CDV3: variants seen among roughly 807,000 people sequenced by gnomAD.
CDV3 encodes the protein protein CDV3 homolog.
In CDV3, 14 loss-of-function variants were observed where a neutral mutation model predicts 24.5. The observed-to-expected ratio is 0.57, with a 90% confidence interval of 0.38 to 0.89. CDV3 has a LOEUF of 0.89. Ranked by LOEUF, CDV3 falls within the 40% of genes least tolerant of loss-of-function variation. The pLI, the probability that CDV3 is intolerant of heterozygous loss-of-function variation, is 0.00. For missense variants in CDV3, 304 were observed against 310.2 expected (o/e 0.98, Z 0.15); for synonymous variants, 114 against 114.1 (o/e 1.00, Z 0.00).
intron 2 of CDV3, among the ~76,000 whole-genome samples, chr3:133,579,969 T>C (rs765877720): frequency 2.0e-4 from 30 of 152,180 alleles, no homozygotes; most frequent in Admixed American, 6.5e-4. Context: ...AAAATACTTA[T>C]TTATTTTTAT....
intron 1 of CDV3, chr3:133,574,493 ACCCCGCGTCGCTCGGCGTTAG>A: frequency 1.0e-6 from 1 of 985,788 alleles, no homozygotes; most frequent in Middle Eastern, 5.2e-4. Flanking sequence ...CGCCCTTCCC[ACCCCGCGTCGCTCGGCGTTAG>A]CCAAGGCCCG....
At chr3:133,575,826 A>G (rs375105569) in intron 2 of CDV3, among the ~76,000 whole-genome samples, 2 of 152,276 alleles carry the variant, frequency 1.3e-5, no homozygotes, top group African/African-American at 4.8e-5. Context: ...ATGGCAGTCA[A>G]CTTTAAGGTT....
Position 133,585,696 on chromosome 3 carries a change from A to G in CDV3, c.467-867A>G, listed in dbSNP as rs1015388195. 1.3e-4 allele frequency among the ~76,000 whole-genome samples: 20 copies of G among 150,824 alleles called. 2 individuals are homozygous for G. Among genetic ancestry groups the G allele is most frequent in the African/African-American group, 2.4e-4 (10 of 40,994 alleles). The stretch of plus-strand genomic sequence containing the variant: ...TTTTTAGTAGAGACGGGGTTTCACC[A>G]TTTTGGCCAGGCTGGTTTTGAACTG... On this transcript the variant is annotated intron_variant, in intron 3 of 4. Coordinates refer to ENST00000264993, the MANE Select transcript of CDV3 (RefSeq NM_017548.5).
intron 1 of CDV3, chr3:133,574,760 G>T: frequency 1.8e-6 from 2 of 1,117,952 alleles, no homozygotes; most frequent in Middle Eastern, 3.8e-4. Context: ...TAGAAATGTA[G>T]TTGTGAAATT....
At chr3:133,576,429 G>A (rs149385051) in intron 2 of CDV3, among the ~76,000 whole-genome samples, 1 of 152,298 alleles carries the variant, frequency 6.6e-6, no homozygotes, top group African/African-American at 2.4e-5. Context: ...GGAACTGCCT[G>A]TGTGTGTGGC....
At chr3:133,574,737 G>A in intron 1 of CDV3, 1 of 1,104,658 alleles carries the variant, frequency 9.1e-7, no homozygotes. Context: ...AACTCTCGGT[G>A]GCAAGGTTGA....
Position 133,588,064 on chromosome 3 carries a change from C to G in CDV3, c.*18C>G. 1 of 1,610,050 alleles carries G rather than the reference C, an allele frequency of 6.2e-7. No homozygotes were observed. The highest frequency in any genetic ancestry group is 8.5e-7 in the Non-Finnish European group (1 of 1,178,326). On this transcript the variant is annotated 3_prime_UTR_variant, in exon 5 of 5. Transcript: ENST00000264993. ...ACAATTAAGGAATGGGCTTTGCTAACCCTTCTGAGGTAACTAGACTGCAGC... is the reference window on the plus strand; with the variant it reads ...ACAATTAAGGAATGGGCTTTGCTAAGCCTTCTGAGGTAACTAGACTGCAGC...
Position 133,574,037 on chromosome 3 carries a change from C to A in CDV3, c.-8C>A. ...GCCCCACCCATCCGGGTCGAGGAGG[C>A]CGAGGCCATGGCTGAGACGGAGGAG... On this transcript the variant is annotated 5_prime_UTR_variant, in exon 1 of 5. Coordinates refer to ENST00000264993, the MANE Select transcript of CDV3 (RefSeq NM_017548.5). 2 of 1,170,666 alleles carry A rather than the reference C, an allele frequency of 1.7e-6. No individual in the cohort carries two copies. The highest frequency in any genetic ancestry group is 2.2e-6 in the Non-Finnish European group (2 of 927,960). The allele number at this position is 1,170,666 out of a possible 1,614,324, so 72.5% of individuals were successfully genotyped here. A position where few individuals can be genotyped will look rare whatever the true frequency, so the allele number is the denominator to read the frequency against.
At chr3:133,578,135 G>A (rs2074887089) in intron 2 of CDV3, among the ~76,000 whole-genome samples, 1 of 152,166 alleles carries the variant, frequency 6.6e-6, no homozygotes, top group South Asian at 2.1e-4. Flanking sequence ...GACTACAGGT[G>A]TGAGTTGCCA....
At chr3:133,574,960 C>A in intron 1 of CDV3, 79 bp from the exon 2 acceptor site, 1 of 922,198 alleles carries the variant, frequency 1.1e-6, no homozygotes, top group African/African-American at 1.6e-5. Flanking sequence ...GCCACTTGAT[C>A]CACTTTTCGT....
intron 4 of CDV3, chr3:133,587,445 GT>G: frequency 1.7e-6 from 2 of 1,157,124 alleles, no homozygotes; most frequent in Non-Finnish European, 1.1e-6. Flanking sequence ...CCACACTCGA[GT>G]TTCTTTACCT....
chr3:133,578,920 A>C (rs899790619), intron 2 of CDV3, among the ~76,000 whole-genome samples: 4 of 152,256 alleles, frequency 2.6e-5, no homozygotes, highest in Admixed American at 2.0e-4. Context: ...GTGTGATCCT[A>C]TCAGCCTTAC....
intron 2 of CDV3, among the ~76,000 whole-genome samples, chr3:133,582,699 C>A (rs538982856): frequency 1.3e-5 from 2 of 152,012 alleles, no homozygotes; most frequent in Non-Finnish European, 2.9e-5. Flanking sequence ...TGGGAACCAG[C>A]CTTTTTTTTA....
intron 2 of CDV3, among the ~76,000 whole-genome samples, chr3:133,582,340 T>G (rs1933126421): frequency 6.6e-6 from 1 of 152,086 alleles, no homozygotes; most frequent in African/African-American, 2.4e-5. Context: ...TTAGTGGAGA[T>G]GGGGTTTTGC....
chr3:133,583,915 G>A (rs759103785), intron 2 of CDV3, 87 bp from the exon 3 acceptor site: 33 of 938,034 alleles, frequency 3.5e-5, no homozygotes, highest in South Asian at 2.4e-4. Flanking sequence ...CTTCAGGGTC[G>A]TACAGATAAT....
chr3:133,583,238 A>G (rs902422983), intron 2 of CDV3, among the ~76,000 whole-genome samples: 4 of 152,180 alleles, frequency 2.6e-5, no homozygotes, highest in African/African-American at 9.7e-5. Flanking sequence ...CTGGACACAG[A>G]CTTGTTTTCA....
rs1327671077 is a variant in CDV3, at chr3:133,587,880, A to AT, written c.627-13dup. 6.3e-7 allele frequency: 1 copy of AT among 1,582,266 alleles called. No homozygotes were observed. The highest frequency in any genetic ancestry group is 1.4e-5 in the African/African-American group (1 of 73,030). On this transcript the variant is annotated splice_polypyrimidine_tract_variant and intron_variant, in intron 4 of 4. Coordinates refer to ENST00000264993, the MANE Select transcript of CDV3 (RefSeq NM_017548.5). Reference sequence around the variant, plus strand: ...TGAAGAAGAAATATTTACTGATTACATTTCTTTTCCCTTAGGGATAAAGAA... The same window carrying AT: ...TGAAGAAGAAATATTTACTGATTACATTTTCTTTTCCCTTAGGGATAAAGAA...
intron 2 of CDV3, among the ~76,000 whole-genome samples, chr3:133,576,498 G>A (rs1270941702): frequency 1.3e-5 from 2 of 152,196 alleles, no homozygotes; most frequent in Non-Finnish European, 2.9e-5. Flanking sequence ...AGTGACTGCA[G>A]GTTCTTGAAA....
chr3:133,587,332 C>T (rs962296946), intron 4 of CDV3: 2 of 1,254,000 alleles, frequency 1.6e-6, no homozygotes, highest in Admixed American at 8.0e-5. Flanking sequence ...GCCTTTTCAC[C>T]ACTTTGAGAG....
Sources: allele counts gnomAD v4.1 joint callset (sites outside exome capture counted in the v4.1 genomes callset), GRCh38; gene constraint gnomAD v4.1.1; transcripts MANE v1.5; gene names NCBI Gene and HGNC (gene_info 2026-07-23, HGNC 2026-07-21).